Variants in MAF observed in about 807,000 individuals in gnomAD.
The protein encoded by MAF is MAF bZIP transcription factor.
MAF carries 10 observed loss-of-function variants against 22.0 expected under a neutral mutation model. The observed-to-expected ratio is 0.45, with a 90% confidence interval of 0.28 to 0.77. The LOEUF is 0.77. Among genes scored for constraint, MAF ranks in the 30% least tolerant of loss-of-function variants. The pLI, the probability that MAF is intolerant of heterozygous loss-of-function variation, is 0.12. For missense variants in MAF, 544 were observed against 548.4 expected, an observed-to-expected ratio of 0.99 and a Z score of 0.08; for synonymous variants, 337 against 255.8, an observed-to-expected ratio of 1.32 and a Z score of -3.03.
chr16:79,517,122 T>C, the MAF span, among the ~76,000 whole-genome samples: 1 of 152,206 alleles, frequency 6.6e-6, no homozygotes, highest in Admixed American at 6.5e-5. Flanking sequence ...CAGGTGTTTA[T>C]CTTTTAGTTT....
chr16:79,515,159 T>G, the MAF span, among the ~76,000 whole-genome samples: 2 of 152,236 alleles, frequency 1.3e-5, no homozygotes, highest in Non-Finnish European at 2.9e-5. Context: ...TTCACTGTGT[T>G]CAATAAATGG....
At chr16:79,431,254 A>C in the MAF span, among the ~76,000 whole-genome samples, 1 of 152,176 alleles carries the variant, frequency 6.6e-6, no homozygotes, top group Non-Finnish European at 1.5e-5. Context: ...CAGCGTGGTG[A>C]TGAGCCCCAT....
chr16:79,580,748 T>C, the MAF span, among the ~76,000 whole-genome samples: 1 of 152,094 alleles, frequency 6.6e-6, no homozygotes, highest in Admixed American at 6.5e-5. Flanking sequence ...AAAGCTCATG[T>C]AGCCTGTGCA....
chr16:79,580,092 C>T, the MAF span, among the ~76,000 whole-genome samples: 18 of 152,144 alleles, frequency 1.2e-4, no homozygotes, highest in Admixed American at 1.1e-3. Context: ...CATTTCACCA[C>T]GCCTCTGTCA....
At chr16:79,397,169 T>C in the MAF span, among the ~76,000 whole-genome samples, 1 of 152,228 alleles carries the variant, frequency 6.6e-6, no homozygotes, top group Admixed American at 6.5e-5. Context: ...ACCTACTGTT[T>C]GAATTAATCA....
At chr16:79,409,711 G>A in the MAF span, among the ~76,000 whole-genome samples, 1 of 152,194 alleles carries the variant, frequency 6.6e-6, no homozygotes. Context: ...AAAACTTGGG[G>A]AGGAGGAAGA....
chr16:79,205,588 T>C, the MAF span: 7 of 152,332 alleles, frequency 4.6e-5, no homozygotes, highest in East Asian at 1.4e-3. Flanking sequence ...ATCATCTTCA[T>C]TGTTTCTTTT....
the MAF span, among the ~76,000 whole-genome samples, chr16:79,395,086 G>T: frequency 6.6e-6 from 1 of 152,160 alleles, no homozygotes; most frequent in Non-Finnish European, 1.5e-5. Flanking sequence ...TCTACCCCAG[G>T]CGGAGAGAAC....
chr16:79,428,941 G>A, the MAF span, among the ~76,000 whole-genome samples: 1 of 152,032 alleles, frequency 6.6e-6, no homozygotes, highest in Non-Finnish European at 1.5e-5. Context: ...AATTACAAAA[G>A]CTCCGGTGAT....
At chr16:79,598,503 G>C in intron 1 of MAF, 5 of 1,335,242 alleles carry the variant, frequency 3.7e-6, no homozygotes, top group Non-Finnish European at 4.8e-6. Context: ...ATTTCAGATT[G>C]GCAATCCATG....
At chr16:79,549,538 G>A in the MAF span, among the ~76,000 whole-genome samples, 2 of 152,194 alleles carry the variant, frequency 1.3e-5, no homozygotes, top group African/African-American at 2.4e-5. Flanking sequence ...GAACTGAATC[G>A]ATTCTCTGCC....
At chr16:79,420,319 C>G in the MAF span, among the ~76,000 whole-genome samples, 1,114 of 152,228 alleles carry the variant, frequency 7.3e-3, 14 homozygotes, top group Admixed American at 0.011. Flanking sequence ...GGCACCCACT[C>G]CAGGCAGCAG....
chr16:79,231,037 T>G, the MAF span, among the ~76,000 whole-genome samples: 1 of 151,998 alleles, frequency 6.6e-6, no homozygotes, highest in Non-Finnish European at 1.5e-5. Context: ...AAAAGCAAAT[T>G]AAAATAAGAA....
At chr16:79,383,650 A>G in the MAF span, among the ~76,000 whole-genome samples, 1 of 152,132 alleles carries the variant, frequency 6.6e-6, no homozygotes, top group African/African-American at 2.4e-5. Flanking sequence ...TTTGTGAATT[A>G]TTTTTATTAT....
the MAF span, among the ~76,000 whole-genome samples, chr16:79,575,251 G>T: frequency 6.6e-6 from 1 of 152,064 alleles, no homozygotes; most frequent in African/African-American, 2.4e-5. Context: ...CATTGCCCAA[G>T]CCTTACCCAA....
the MAF span, among the ~76,000 whole-genome samples, chr16:79,482,907 T>A: frequency 2.5e-5 from 2 of 79,824 alleles, no homozygotes; most frequent in African/African-American, 1.1e-4. Context: ...CCTCCCTACC[T>A]CCTTCCTTCC....
chr16:79,223,854 T>G, the MAF span, among the ~76,000 whole-genome samples: 186 of 152,134 alleles, frequency 1.2e-3, 1 homozygote, highest in African/African-American at 4.3e-3. Flanking sequence ...GTTCTGAAAT[T>G]GAGGGAGTAA....
In MAF at chr16:79,599,153, G is replaced by T. The variant is rs762777790; in HGVS notation, c.750C>A (p.His250Gln). 2 of 1,541,968 alleles carry T rather than the reference G, an allele frequency of 1.3e-6. No homozygotes were observed. The highest frequency in any genetic ancestry group is 1.7e-6 in the Non-Finnish European group (2 of 1,149,874). Reference sequence around the variant, plus strand: ...CGTCGAAGTGCAGGCCGCCGGCGGCGTGGTGCGGGTGCAGGGCGCCCCCCG... The same window carrying T: ...CGTCGAAGTGCAGGCCGCCGGCGGCTTGGTGCGGGTGCAGGGCGCCCCCCG... Reference protein sequence around the residue: ...AGAGGALHPHHAAGGLHFDDR... With the variant: ...AGAGGALHPHQAAGGLHFDDR... Residue 250 changes from histidine to glutamine, a missense_variant, in exon 1 of 2, where the codon CAC (histidine) becomes CAA (glutamine). By Grantham distance (24) the His-to-Gln change is conservative (BLOSUM62 0). Transcript: ENST00000326043.
chr16:79,459,824 A>C, the MAF span, among the ~76,000 whole-genome samples: 1 of 152,130 alleles, frequency 6.6e-6, no homozygotes, highest in Non-Finnish European at 1.5e-5. Flanking sequence ...TTGGCCTCTT[A>C]ACATGCTGGG....
Sources: allele counts gnomAD v4.1 joint callset (sites outside exome capture counted in the v4.1 genomes callset), GRCh38; gene constraint gnomAD v4.1.1; transcripts MANE v1.5; gene names NCBI Gene and HGNC (gene_info 2026-07-23, HGNC 2026-07-21).